LIM2: variants seen among roughly 807,000 people sequenced by gnomAD.
The protein encoded by LIM2 is lens intrinsic membrane protein 2, also known as lens fiber membrane intrinsic protein.
A neutral mutation model predicts 19.0 loss-of-function variants in LIM2; 14 were observed. The ratio of observed to expected loss-of-function variants is 0.74; its 90% CI spans 0.49 to 1.15. LIM2 has a LOEUF of 1.15. Among genes scored for constraint, LIM2 ranks in the 50% most tolerant of loss-of-function variants. The pLI is 0.00. For missense variants in LIM2, 230 were observed against 243.5 expected, an observed-to-expected ratio of 0.94 and a Z score of 0.37; for synonymous variants, 78 against 89.6, an observed-to-expected ratio of 0.87 and a Z score of 0.73.
In LIM2 at chr19:51,387,314, G is replaced by C. The variant is rs374509682; in HGVS notation, c.130C>G (p.Arg44Gly). The change falls in exon 2 of 5, where the codon CGG (arginine) becomes GGG (glycine). Residue 44 changes from arginine to glycine, a missense_variant. Arg to Gly is a moderately radical substitution (Grantham distance 125). Coordinates refer to ENST00000596399, the MANE Select transcript of LIM2 (RefSeq NM_001161748.2). ...TAGCACTTGTTGCCCAGGCAGTACC[G>C]CCACAGGCCCTGGTGGGCGAAGGAC... ...SGSFAHQGLW[R>G]YCLGNKCYLQ... The C allele has an allele frequency of 8.7e-6, 14 of 1,614,136 alleles. No individual in the cohort carries two copies. Among genetic ancestry groups the C allele is most frequent in the East Asian group, 2.2e-5 (1 of 44,884 alleles).
At position 51,382,439 on chromosome 19, in the gene LIM2, C is replaced by T; in HGVS notation, c.304G>A (p.Gly102Ser). 1.2e-6 allele frequency: 2 copies of T among 1,613,810 alleles called. No homozygotes were observed. The highest frequency in any genetic ancestry group is 1.7e-6 in the Non-Finnish European group (2 of 1,179,966). ...TCACTTGAGGAAAAAAACATGATGC[C>T]AGCAGAGAAGGGCCGGGAGATGCGG... is the stretch of plus-strand genomic sequence containing the variant. ...FSRISRPFSA[G>S]IMFFSSTLFV... Residue 102 changes from glycine to serine, a missense_variant, in exon 3 of 5, where the codon GGC becomes AGC. By Grantham distance (56) the Gly-to-Ser change is moderately conservative. Transcript: ENST00000596399.
Position 51,380,065 on chromosome 19 carries a change from C to T in LIM2, c.*136G>A. 3.7e-6 allele frequency: 3 copies of T among 806,244 alleles called. No individual in the cohort carries two copies. Among genetic ancestry groups the T allele is most frequent in the East Asian group, 2.7e-5 (1 of 37,382 alleles). The allele number at this position is 806,244 out of a possible 1,614,324, so 49.9% of individuals were successfully genotyped here. A position where few individuals can be genotyped will look rare whatever the true frequency, so the allele number is the denominator to read the frequency against. Reference sequence around the variant, plus strand: ...CCAGCCTAGGACCAGGAGTCAGCCTCCCCCCACAAACCCACAGTCCAGAAC... The same window carrying T: ...CCAGCCTAGGACCAGGAGTCAGCCTTCCCCCACAAACCCACAGTCCAGAAC... On this transcript the variant is annotated 3_prime_UTR_variant, in exon 5 of 5. Transcript: ENST00000596399.
Position 51,387,228 on chromosome 19 carries a change from C to T in LIM2, c.175+41G>A, listed in dbSNP as rs750765391. On this transcript the variant is annotated intron_variant, in intron 2 of 4. Coordinates refer to ENST00000596399, the MANE Select transcript of LIM2 (RefSeq NM_001161748.2). ...CTTGGGCCCCGAGGTCCGCCCTGCT[C>T]TTTCCCCAGGCGCGGCCTGGACCCT... is the stretch of plus-strand genomic sequence containing the variant. 10 of 1,614,112 alleles carry T rather than the reference C, an allele frequency of 6.2e-6. No individual in the cohort carries two copies. The South Asian group carries it at 8.8e-5, about 14-fold the overall frequency.
intron 2 of LIM2, among the ~76,000 whole-genome samples, chr19:51,386,110 T>G (rs1461999645): frequency 6.6e-6 from 1 of 151,582 alleles, no homozygotes; most frequent in African/African-American, 2.4e-5. Flanking sequence ...CACAATATAT[T>G]ATATATTATT....
At chr19:51,383,378 G>A (rs1413986063) in intron 2 of LIM2, among the ~76,000 whole-genome samples, 2 of 152,052 alleles carry the variant, frequency 1.3e-5, no homozygotes, top group Non-Finnish European at 1.5e-5. Context: ...ATCTGAAAAT[G>A]TCCTATTTAC....
chr19:51,380,299 C>T (rs746809944), intron 4 of LIM2, 37 bp from the exon 5 acceptor site: 27 of 1,608,166 alleles, frequency 1.7e-5, no homozygotes, highest in Non-Finnish European at 2.2e-5. Context: ...CCCCTCAAAC[C>T]TCCCCCAGCT....
chr19:51,380,197 G>A lies in LIM2; in HGVS notation c.*4C>T, dbSNP rs1367683407. ...CCAGATGAAGTTGGGGGACACATTT[G>A]GGCTCAGCGGGGTGTAGACAGGCGC... is the stretch of plus-strand genomic sequence containing the variant. On this transcript the variant is annotated 3_prime_UTR_variant, in exon 5 of 5. Transcript: ENST00000596399. 1.2e-6 allele frequency: 2 copies of A among 1,613,468 alleles called. No homozygotes were observed. Among genetic ancestry groups the A allele is most frequent in the Admixed American group, 3.3e-5 (2 of 59,944 alleles).
Position 51,387,435 on chromosome 19 carries a change from G to A in LIM2, c.9C>T (p.Ser3=), listed in dbSNP as rs774901284. The A allele has an allele frequency of 1.9e-6, 3 of 1,613,844 alleles. No homozygotes were observed. Among genetic ancestry groups the A allele is most frequent in the Non-Finnish European group, 2.5e-6 (3 of 1,179,970 alleles). The change falls in exon 2 of 5, where the codon AGC becomes AGT. Residue 3 remains serine, a synonymous_variant. Transcript: ENST00000596399. MY[S]FMGGGLFCAW... ...CACAGAACAGGCCACCACCCATGAA[G>A]CTGTACATGGTGATCTGTGGGGAAG...
chr19:51,387,343 G>A lies in LIM2; in HGVS notation c.101C>T (p.Ser34Leu). 6.2e-7 allele frequency: 1 copy of A among 1,614,154 alleles called. No homozygotes were observed. Among genetic ancestry groups the A allele is most frequent in the African/African-American group, 1.3e-5 (1 of 75,062 alleles). Residue 34 changes from serine (S) to leucine (L), a missense_variant, in exon 2 of 5, where the codon TCA becomes TTA. By Grantham distance (145) the Ser-to-Leu change is moderately radical. Transcript: ENST00000596399. ...CAGGCCCTGGTGGGCGAAGGACCCT[G>A]ACAGCCGGTACTGCATCCAGTGGTC... is the stretch of plus-strand genomic sequence containing the variant. ...ATDHWMQYRL[S>L]GSFAHQGLWR...
intron 2 of LIM2, 43 bp from the exon 3 acceptor site, chr19:51,382,610 T>C (rs565677038): frequency 1.2e-5 from 20 of 1,611,614 alleles, no homozygotes; most frequent in Non-Finnish European, 1.5e-5. Flanking sequence ...TCCCCTGCTC[T>C]AAGTGAGAGA....
chr19:51,383,945 A>G (rs1042958799), intron 2 of LIM2, among the ~76,000 whole-genome samples: 4 of 152,212 alleles, frequency 2.6e-5, no homozygotes, highest in African/African-American at 9.6e-5. Context: ...TGCCTTGTAG[A>G]AGCCTCGGTG....
intron 2 of LIM2, 47 bp downstream of exon 2, chr19:51,387,222 C>T: frequency 1.9e-6 from 3 of 1,614,236 alleles, no homozygotes; most frequent in Non-Finnish European, 2.5e-6. Flanking sequence ...CGAGGTCCGC[C>T]CTGCTCTTTC....
At chr19:51,382,610 T>A (rs565677038) in intron 2 of LIM2, 43 bp from the exon 3 acceptor site, 1 of 1,611,732 alleles carries the variant, frequency 6.2e-7, no homozygotes, top group East Asian at 2.2e-5. Context: ...TCCCCTGCTC[T>A]AAGTGAGAGA....
rs374509682 is a variant in LIM2, at chr19:51,387,314, G to A, written c.130C>T (p.Arg44Trp). ...SGSFAHQGLW[R>W]YCLGNKCYLQ... ...TAGCACTTGTTGCCCAGGCAGTACCGCCACAGGCCCTGGTGGGCGAAGGAC... is the reference window on the plus strand; with the variant it reads ...TAGCACTTGTTGCCCAGGCAGTACCACCACAGGCCCTGGTGGGCGAAGGAC... The change falls in exon 2 of 5, where the codon CGG (arginine) becomes TGG (tryptophan). Residue 44 changes from arginine to tryptophan, a missense_variant. Transcript: ENST00000596399. 77 of 1,614,016 alleles carry A rather than the reference G, an allele frequency of 4.8e-5. No individual in the cohort carries two copies. Among genetic ancestry groups the A allele is most frequent in the South Asian group, 8.8e-5 (8 of 91,088 alleles).
chr19:51,385,731 C>T (rs35852171), intron 2 of LIM2, among the ~76,000 whole-genome samples: 17,147 of 152,106 alleles, frequency 0.11, 1,464 homozygotes, highest in African/African-American at 0.24. Context: ...TCAGGCAGAG[C>T]GGACTCTGAA....
rs776642137 is a variant in LIM2 at position 51,379,952 on chromosome 19, T to C, written c.*249A>G. The C allele has an allele frequency of 1.3e-4, 78 of 591,906 alleles. No individual in the cohort carries two copies. The highest frequency in any genetic ancestry group is 2.0e-4 in the Non-Finnish European group (66 of 332,426). 36.7% of individuals were successfully genotyped at this position (591,906 alleles called of 1,614,324 possible). On this transcript the variant is annotated 3_prime_UTR_variant, in exon 5 of 5. Transcript: ENST00000596399. ...ATTAGGCCCCAGAAAGTTGCTCTAA[T>C]GGATAGTCCATTTTTCTAACAACCT...
At chr19:51,384,497 T>TGC (rs1986980026) in intron 2 of LIM2, among the ~76,000 whole-genome samples, 1 of 152,144 alleles carries the variant, frequency 6.6e-6, no homozygotes, top group Non-Finnish European at 1.5e-5. Context: ...GACACAGACA[T>TGC]GCTTTTAGGA....
At chr19:51,380,706 G>C in intron 3 of LIM2, 67 bp from the exon 4 acceptor site, 1 of 1,574,936 alleles carries the variant, frequency 6.3e-7, no homozygotes, top group Non-Finnish European at 8.7e-7. Context: ...GGTGGGCAGA[G>C]AGCTGATGAT....
At position 51,380,628 on chromosome 19, in the gene LIM2, C is replaced by G. The variant is rs73934370; in HGVS notation, c.337G>C (p.Val113Leu). The change falls in exon 4 of 5, where the codon GTG becomes CTG. Residue 113 changes from valine to leucine, a missense_variant. By Grantham distance (32) the Val-to-Leu change is conservative. Transcript: ENST00000596399. ...IMFFSSTLFVVLALAIYTGVT... is the reference protein window; with the variant it reads ...IMFFSSTLFVLLALAIYTGVT... ...CCAGTGTAGATGGCCAAGGCCAACA[C>G]GACGAAAAGGGCTGGGGAGAGAGGG... 595 of 1,613,540 alleles carry G rather than the reference C, an allele frequency of 3.7e-4. 1 individual carries two copies. Among genetic ancestry groups the G allele is most frequent in the Non-Finnish European group, 4.5e-4 (529 of 1,179,868 alleles).
Sources: gnomAD v4.1 joint callset for allele counts (sites outside exome capture counted in the v4.1 genomes callset) on GRCh38, gnomAD v4.1.1 for gene constraint, MANE v1.5 for transcripts, NCBI Gene and HGNC (gene_info 2026-07-23, HGNC 2026-07-21) for gene names.